Variants in STYXL1 observed in about 807,000 individuals in gnomAD.
STYXL1 encodes the protein serine/threonine/tyrosine-interacting-like protein 1.
In STYXL1, 32 loss-of-function variants were observed where a neutral mutation model predicts 36.4. The ratio of observed to expected loss-of-function variants is 0.88; its 90% CI spans 0.66 to 1.18. The LOEUF is 1.18. STYXL1 is among the 50% of genes most tolerant of loss of function. STYXL1 has a pLI of 0.00. For missense variants in STYXL1, 354 were observed against 394.1 expected, an observed-to-expected ratio of 0.90 and a Z score of 0.86; for synonymous variants, 133 against 144.1, an observed-to-expected ratio of 0.92 and a Z score of 0.55.
chr7:76,025,229 A>T (rs1156660662), intron 3 of STYXL1, among the ~76,000 whole-genome samples: 1 of 151,494 alleles, frequency 6.6e-6, no homozygotes, highest in Non-Finnish European at 1.5e-5. Flanking sequence ...CTGGGAAGCT[A>T]GAGAGGGAAG....
At chr7:76,000,348 C>CA in intron 8 of STYXL1, 1 of 447,352 alleles carries the variant, frequency 2.2e-6, no homozygotes, top group South Asian at 1.6e-5. Context: ...CCCCCAAAAA[C>CA]ATCCCTGGGC....
At position 76,003,866 on chromosome 7, in the gene STYXL1, G is replaced by GT; in HGVS notation, c.600-12_600-11insA. Reference sequence around the variant, plus strand: ...GCATCGCCTGCAAAACTACACGGAAGGACCACACAGGTCATCAGGTGGAAT... The same window carrying GT: ...GCATCGCCTGCAAAACTACACGGAAGTGACCACACAGGTCATCAGGTGGAAT... On this transcript the variant is annotated splice_polypyrimidine_tract_variant and intron_variant, in intron 6 of 8. Coordinates refer to ENST00000359697, the MANE Select transcript of STYXL1 (RefSeq NM_001317785.2). 1 of 1,613,408 alleles carries GT rather than the reference G, an allele frequency of 6.2e-7. No homozygotes were observed. The highest frequency in any genetic ancestry group is 1.6e-4 in the Middle Eastern group (1 of 6,062).
chr7:75,996,993 G>C (rs1371075325), intron 8 of STYXL1, among the ~76,000 whole-genome samples: 2 of 152,232 alleles, frequency 1.3e-5, no homozygotes, highest in African/African-American at 2.4e-5. Context: ...ATTCTCTGAA[G>C]AAGAAAATTC....
At chr7:76,009,277 C>T (rs1435952720) in intron 5 of STYXL1, among the ~76,000 whole-genome samples, 29 of 150,464 alleles carry the variant, frequency 1.9e-4, no homozygotes, top group Non-Finnish European at 2.4e-4. Context: ...CCCCACCCCG[C>T]CCCCTCCCGA....
In STYXL1 at chr7:76,047,941, C is replaced by T. The variant is rs114876328; in HGVS notation, c.-284G>A. On this transcript the variant is annotated 5_prime_UTR_variant, in exon 1 of 9. Transcript: ENST00000359697. The stretch of plus-strand genomic sequence containing the variant: ...CCACACAGACGGCTACGCTAGAACC[C>T]AGCCAAACACCGGGGTTGCCAGGAT... 112 of 1,451,958 alleles carry T rather than the reference C, an allele frequency of 7.7e-5. No individual in the cohort carries two copies. The African/African-American group carries it at 1.2e-3, about 16-fold the overall frequency. The allele number at this position is 1,451,958 out of a possible 1,614,324, so 89.9% of individuals were successfully genotyped here. A position where few individuals can be genotyped will look rare whatever the true frequency, so the allele number is the denominator to read the frequency against.
chr7:76,013,664 C>T, intron 5 of STYXL1, 78 bp downstream of exon 5: 2 of 1,593,288 alleles, frequency 1.3e-6, no homozygotes, highest in Middle Eastern at 1.7e-4. Flanking sequence ...CCTGTTTCTC[C>T]CACTCAGTCA....
At chr7:76,047,548 G>A (rs1291933825) in intron 1 of STYXL1, 114 bp downstream of exon 1, 1 of 155,014 alleles carries the variant, frequency 6.5e-6, no homozygotes, top group African/African-American at 2.4e-5. Flanking sequence ...CAGCAGTGGT[G>A]TCACTAAACC....
At chr7:76,014,448 C>A in intron 4 of STYXL1, among the ~76,000 whole-genome samples, 1 of 151,530 alleles carries the variant, frequency 6.6e-6, no homozygotes, top group East Asian at 1.9e-4. Context: ...AGCTCCTGGG[C>A]TCACACCATC....
At chr7:75,996,671 T>A in intron 8 of STYXL1, 72 bp from the exon 9 acceptor site, 1 of 1,509,630 alleles carries the variant, frequency 6.6e-7, no homozygotes. Context: ...CAGAGGCAGC[T>A]TTCAGAGACA....
At chr7:76,035,095 G>A (rs781825813) in intron 1 of STYXL1, among the ~76,000 whole-genome samples, 1 of 147,978 alleles carries the variant, frequency 6.8e-6, no homozygotes, top group Non-Finnish European at 1.5e-5. Flanking sequence ...GCTTGGGCCC[G>A]ATGACCTCAT....
At chr7:76,041,715 C>A (rs4728551) in intron 1 of STYXL1, among the ~76,000 whole-genome samples, 40,242 of 152,102 alleles carry the variant, frequency 0.26, 6,832 homozygotes, top group Non-Finnish European at 0.38. Context: ...ATATAAATTA[C>A]CCAATCTCAA....
intron 5 of STYXL1, among the ~76,000 whole-genome samples, chr7:76,012,100 G>A (rs1792629484): frequency 6.6e-6 from 1 of 152,160 alleles, no homozygotes; most frequent in South Asian, 2.1e-4. Flanking sequence ...AGGAGCTGGA[G>A]ACCAGCCTGA....
intron 4 of STYXL1, among the ~76,000 whole-genome samples, chr7:76,018,165 C>A (rs1793628684): frequency 6.6e-6 from 1 of 151,958 alleles, no homozygotes; most frequent in African/African-American, 2.4e-5. Flanking sequence ...CAGTGCCCGG[C>A]CTAATTTTAG....
chr7:76,036,161 G>A (rs1451010159), intron 1 of STYXL1, among the ~76,000 whole-genome samples: 3 of 149,766 alleles, frequency 2.0e-5, no homozygotes, highest in Non-Finnish European at 4.5e-5. Flanking sequence ...AGTGCAGTGG[G>A]ATGATCTCGG....
At position 76,003,762 on chromosome 7, in the gene STYXL1, G is replaced by A. The variant is rs782507472; in HGVS notation, c.693C>T (p.Phe231=). 6 of 1,614,028 alleles carry A rather than the reference G, an allele frequency of 3.7e-6. No individual in the cohort carries two copies. The Admixed American group carries it at 6.7e-5, about 18-fold the overall frequency. Residue 231 remains phenylalanine (F), a synonymous_variant, in exon 7 of 9, where the codon TTC becomes TTT. Coordinates refer to ENST00000359697, the MANE Select transcript of STYXL1 (RefSeq NM_001317785.2). ...ILPFLRHMCH[F]IEIHHHLGSV... ...CGGCCAAGGAACGCTCCTTACCAAT[G>A]AAGTGACACATGTGGCGTAAGAAGG...
At chr7:76,006,257 T>C (rs1456680133) in intron 5 of STYXL1, among the ~76,000 whole-genome samples, 9 of 152,008 alleles carry the variant, frequency 5.9e-5, no homozygotes, top group Non-Finnish European at 1.3e-4. Context: ...CTTTTATCTT[T>C]TGTAGAGATG....
intron 3 of STYXL1, among the ~76,000 whole-genome samples, chr7:76,022,638 C>A (rs1219680191): frequency 2.6e-5 from 4 of 152,206 alleles, no homozygotes; most frequent in Non-Finnish European, 5.9e-5. Context: ...GCACTCCAGT[C>A]TGGGTGACAG....
Position 75,996,554 on chromosome 7 carries a change from T to G in STYXL1, c.856A>C (p.Asn286His), listed in dbSNP as rs1554564155. The G allele has an allele frequency of 6.2e-7, 1 of 1,614,226 alleles. No individual in the cohort carries two copies. The highest frequency in any genetic ancestry group is 2.2e-5 in the East Asian group (1 of 44,888). ...AGCAGCTGGCTCACCAATCCCCGAT[T>G]TGGACACATGTTGTTTTTGCACTTC... Reference protein sequence around the residue: ...VKKCKNNMCPNRGLVSQLLEW... With the variant: ...VKKCKNNMCPHRGLVSQLLEW... The change falls in exon 9 of 9, where the codon AAT (asparagine) becomes CAT (histidine). Residue 286 changes from asparagine to histidine, a missense_variant. Coordinates refer to ENST00000359697, the MANE Select transcript of STYXL1 (RefSeq NM_001317785.2).
Position 75,996,345 on chromosome 7 carries a change from G to T in STYXL1, c.*123C>A. The T allele has an allele frequency of 6.3e-7, 1 of 1,584,806 alleles. No homozygotes were observed. ...GAATCAGTACAGGAGGCTAACATGA[G>T]ACTTTCAGGCAGCAAAGGCCTTCTC... On this transcript the variant is annotated 3_prime_UTR_variant, in exon 9 of 9. Transcript: ENST00000359697.
Sources: gnomAD v4.1 joint callset for allele counts (sites outside exome capture counted in the v4.1 genomes callset) on GRCh38, gnomAD v4.1.1 for gene constraint, MANE v1.5 for transcripts, NCBI Gene and HGNC (gene_info 2026-07-23, HGNC 2026-07-21) for gene names.